NRXN3: variants seen among roughly 807,000 people sequenced by gnomAD.
NRXN3 encodes neurexin III.
In NRXN3, 32 loss-of-function variants were observed where a neutral mutation model predicts 137.6. The observed-to-expected ratio is 0.23, with a 90% confidence interval of 0.18 to 0.31. NRXN3 has a LOEUF of 0.31. Ranked by LOEUF, NRXN3 falls within the 10% of genes least tolerant of loss-of-function variation. NRXN3 has a pLI of 1.00. For missense variants in NRXN3, 1,574 were observed against 2,062.5 expected (o/e 0.76, Z 4.59); for synonymous variants, 798 against 784.5 (o/e 1.02, Z -0.29).
At chr14:78,313,658 G>C (rs1882815) in intron 4 of NRXN3, among the ~76,000 whole-genome samples, 121,993 of 151,942 alleles carry the variant, frequency 0.8, 49,281 homozygotes, top group Middle Eastern at 0.89. Flanking sequence ...AAAGCCTGAG[G>C]TGACACTACT....
At chr14:78,725,840 A>G (rs552437394) in intron 8 of NRXN3, among the ~76,000 whole-genome samples, 5 of 152,356 alleles carry the variant, frequency 3.3e-5, no homozygotes, top group African/African-American at 1.2e-4. Context: ...ATGTACTCTT[A>G]TCTACATATG....
chr14:79,156,310 C>T (rs1318906514), intron 15 of NRXN3, among the ~76,000 whole-genome samples: 2 of 151,838 alleles, frequency 1.3e-5, no homozygotes, highest in Non-Finnish European at 2.9e-5. Context: ...CACCTGCAAT[C>T]TTAACCTTTC....
At chr14:78,887,562 G>T (rs1355414157) in intron 10 of NRXN3, among the ~76,000 whole-genome samples, 1 of 151,902 alleles carries the variant, frequency 6.6e-6, no homozygotes, top group Non-Finnish European at 1.5e-5. Flanking sequence ...AGAACCTCAG[G>T]GTTTTCCTGA....
rs191656571 is a variant in NRXN3 at position 79,362,418 on chromosome 14, C to T, written c.3263-104803C>T. On this transcript the variant is annotated intron_variant, in intron 15 of 20. Transcript: ENST00000335750. ...GTCCTCCAGTTTAGCCTATTTGGAA[C>T]GGTACTGGTTAATCTCAATAAACAA... Among the ~76,000 whole-genome samples, 7 of 151,460 alleles carry T rather than the reference C, an allele frequency of 4.6e-5. No individual in the cohort carries two copies. In the East Asian group the frequency reaches 7.8e-4, roughly 17 times the overall value.
chr14:79,429,903 G>A (rs2095717816), intron 15 of NRXN3, among the ~76,000 whole-genome samples: 1 of 151,752 alleles, frequency 6.6e-6, no homozygotes. Context: ...TAAGCATCTT[G>A]ATATTAGAAA....
intron 8 of NRXN3, among the ~76,000 whole-genome samples, chr14:78,731,078 T>A (rs1299728436): frequency 6.6e-6 from 1 of 152,186 alleles, no homozygotes; most frequent in African/African-American, 2.4e-5. Flanking sequence ...ACCACTTTAG[T>A]TTTTTTCTTA....
intron 15 of NRXN3, among the ~76,000 whole-genome samples, chr14:79,251,409 A>G (rs2075909816): frequency 6.6e-6 from 1 of 152,174 alleles, no homozygotes; most frequent in African/African-American, 2.4e-5. Context: ...TCAAGAAATG[A>G]CTTCAGAATT....
At chr14:78,545,575 G>A (rs576923245) in intron 4 of NRXN3, among the ~76,000 whole-genome samples, 2 of 152,036 alleles carry the variant, frequency 1.3e-5, no homozygotes, top group Non-Finnish European at 2.9e-5. Flanking sequence ...TATAAAATGG[G>A]ATATTATATA....
At chr14:79,199,050 C>T (rs111814327) in intron 15 of NRXN3, among the ~76,000 whole-genome samples, 9 of 152,076 alleles carry the variant, frequency 5.9e-5, no homozygotes, top group Non-Finnish European at 1.2e-4. Context: ...GCCTGTAGTC[C>T]CAGCTACTCT....
At chr14:78,379,407 T>C (rs1327040631) in intron 4 of NRXN3, among the ~76,000 whole-genome samples, 2 of 152,162 alleles carry the variant, frequency 1.3e-5, no homozygotes, top group African/African-American at 2.4e-5. Context: ...AAAAGAATTA[T>C]GTACCAGGAA....
chr14:78,700,204 C>T (rs1440330258), intron 6 of NRXN3, among the ~76,000 whole-genome samples: 1 of 152,180 alleles, frequency 6.6e-6, no homozygotes, highest in Non-Finnish European at 1.5e-5. Context: ...TTATTTAGTA[C>T]ATTTACATGG....
intron 20 of NRXN3, among the ~76,000 whole-genome samples, chr14:79,810,178 A>G (rs2099226526): frequency 6.6e-6 from 1 of 152,182 alleles, no homozygotes; most frequent in African/African-American, 2.4e-5. Context: ...TCTTGGGGGC[A>G]GGAGGCCACA....
At chr14:78,721,301 C>T (rs1291213540) in intron 8 of NRXN3, among the ~76,000 whole-genome samples, 1 of 152,114 alleles carries the variant, frequency 6.6e-6, no homozygotes, top group African/African-American at 2.4e-5. Context: ...TATGGCTGTG[C>T]CCTCATCCCT....
intron 16 of NRXN3, among the ~76,000 whole-genome samples, chr14:79,651,658 G>A (rs1340484859): frequency 3.3e-5 from 5 of 152,146 alleles, no homozygotes; most frequent in Admixed American, 2.6e-4. Flanking sequence ...GGTTATCAAA[G>A]ATGTCTCTGG....
intron 15 of NRXN3, among the ~76,000 whole-genome samples, chr14:79,376,210 G>GTATATATA (rs1422842626): frequency 2.5e-5 from 1 of 40,794 alleles, no homozygotes; most frequent in African/African-American, 9.0e-5. Context: ...GTGTGTGTGT[G>GTATATATA]TATGTATATA....
At chr14:79,227,783 TTCCC>T (rs1236861610) in intron 15 of NRXN3, among the ~76,000 whole-genome samples, 1 of 88,354 alleles carries the variant, frequency 1.1e-5, no homozygotes, top group African/African-American at 4.1e-5. Context: ...CCTTCCTTCC[TTCCC>T]TCCTCCCTTC....
chr14:79,654,377 C>T (rs947465533), intron 16 of NRXN3, among the ~76,000 whole-genome samples: 1 of 151,704 alleles, frequency 6.6e-6, no homozygotes, highest in Non-Finnish European at 1.5e-5. Context: ...AGTTCCACAA[C>T]GAACAGGGGT....
At chr14:79,723,779 A>G (rs2098860013) in intron 19 of NRXN3, among the ~76,000 whole-genome samples, 1 of 152,108 alleles carries the variant, frequency 6.6e-6, no homozygotes, top group African/African-American at 2.4e-5. Context: ...GCATCAGTGA[A>G]CCTCTGAGCT....
At position 79,824,652 on chromosome 14, in the gene NRXN3, A is replaced by G. The variant is rs76811734; in HGVS notation, c.4093+19462A>G. 9.5e-4 allele frequency among the ~76,000 whole-genome samples: 145 copies of G among 152,282 alleles called. 3 individuals are homozygous for G. The East Asian group carries it at 0.025, about 26-fold the overall frequency. The stretch of plus-strand genomic sequence containing the variant: ...TTCAAACAAGGTTGTTTAAAGATAA[A>G]AGCACCCACTTCTAAATATCAGCAT... On this transcript the variant is annotated intron_variant, in intron 20 of 20. Coordinates refer to ENST00000335750, the MANE Select transcript of NRXN3 (RefSeq NM_001330195.2).
Sources: gnomAD v4.1 joint callset for allele counts (sites outside exome capture counted in the v4.1 genomes callset) on GRCh38, gnomAD v4.1.1 for gene constraint, MANE v1.5 for transcripts, NCBI Gene and HGNC (gene_info 2026-07-23, HGNC 2026-07-21) for gene names.